The following MYOM1 variants were observed in gnomAD, a reference collection of about 807,000 sequenced individuals.
MYOM1 encodes the protein myomesin-1.
In MYOM1, 164 loss-of-function variants were observed where a neutral mutation model predicts 205.3. The observed-to-expected ratio is 0.80, with a 90% CI of 0.70 to 0.91. MYOM1 has a LOEUF of 0.91. MYOM1 is among the 40% of genes least tolerant of loss of function. The probability of loss-of-function intolerance (pLI) is 0.00; values close to 1 mark genes in which losing one functional copy is unlikely to be tolerated. For missense variants in MYOM1, 2,011 were observed against 2,127.3 expected (o/e 0.95, Z 1.08); for synonymous variants, 772 against 789.4 (o/e 0.98, Z 0.37).
chr18:3,127,104 C>T (rs957908123), intron 18 of MYOM1, among the ~76,000 whole-genome samples: 1 of 151,760 alleles, frequency 6.6e-6, no homozygotes, highest in East Asian at 1.9e-4. Flanking sequence ...ATAAAATGAA[C>T]CTGTCCTAGC....
intron 2 of MYOM1, among the ~76,000 whole-genome samples, chr18:3,213,697 T>C (rs932864565): frequency 6.6e-6 from 1 of 152,240 alleles, no homozygotes; most frequent in African/African-American, 2.4e-5. Context: ...TGAGAAACTT[T>C]CTTCTCTAAT....
At chr18:3,167,723 G>A (rs6506077) in intron 9 of MYOM1, among the ~76,000 whole-genome samples, 15,444 of 152,222 alleles carry the variant, frequency 0.1, 1,730 homozygotes, top group African/African-American at 0.28. Context: ...TTCAAGTCCA[G>A]TGCTTCAACT....
chr18:3,200,427 T>C (rs909130175), intron 2 of MYOM1, among the ~76,000 whole-genome samples: 5 of 152,144 alleles, frequency 3.3e-5, no homozygotes, highest in Admixed American at 3.3e-4. Context: ...AGACAAAGAC[T>C]TCAAAGCAGC....
chr18:3,096,843 A>G (rs957986254), intron 25 of MYOM1, among the ~76,000 whole-genome samples: 4 of 152,134 alleles, frequency 2.6e-5, no homozygotes, highest in Non-Finnish European at 5.9e-5. Flanking sequence ...GTATGGATAT[A>G]TATTCAAATA....
the MYOM1 span, chr18:3,246,737 T>C: frequency 1.3e-5 from 2 of 152,184 alleles, no homozygotes; most frequent in Admixed American, 6.5e-5. Context: ...TTCAGAAGGG[T>C]TCTGGCCACG....
At chr18:3,083,699 G>T in intron 33 of MYOM1, 90 bp downstream of exon 33, 1 of 942,692 alleles carries the variant, frequency 1.1e-6, no homozygotes, top group Non-Finnish European at 1.6e-6. Context: ...ACCTGCCTCG[G>T]CCTCCCAAAG....
intron 10 of MYOM1, among the ~76,000 whole-genome samples, chr18:3,160,475 T>C (rs1426264211): frequency 2.0e-5 from 3 of 152,158 alleles, no homozygotes; most frequent in Non-Finnish European, 4.4e-5. Context: ...CGTGAGCCAT[T>C]GTACCTGGTC....
At chr18:3,124,809 G>A (rs1358829125) in intron 19 of MYOM1, among the ~76,000 whole-genome samples, 2 of 152,142 alleles carry the variant, frequency 1.3e-5, no homozygotes, top group Non-Finnish European at 2.9e-5. Context: ...TTGGAATAGA[G>A]AAGGCATTTC....
At position 3,089,569 on chromosome 18, in the gene MYOM1, T is replaced by G; in HGVS notation, c.4037A>C (p.Glu1346Ala). ...DVFKKLQKEA[E>A]FQRQEWIRKQ... The stretch of plus-strand genomic sequence containing the variant: ...CCTGATCCATTCTTGCCGCTGGAAT[T>G]CAGCTTCTTTCTGGAGCTTTTTGAA... Residue 1346 changes from glutamate to alanine, a missense_variant, in exon 28 of 38, where the codon GAA becomes GCA. By Grantham distance (107) the Glu-to-Ala change is moderately radical. Coordinates refer to ENST00000356443, the MANE Select transcript of MYOM1 (RefSeq NM_003803.4). 6.2e-7 allele frequency: 1 copy of G among 1,609,500 alleles called. No homozygotes were observed. Among genetic ancestry groups the G allele is most frequent in the Non-Finnish European group, 8.5e-7 (1 of 1,177,828 alleles).
intron 21 of MYOM1, among the ~76,000 whole-genome samples, chr18:3,114,427 G>T (rs1246957367): frequency 6.6e-6 from 1 of 151,702 alleles, no homozygotes; most frequent in Non-Finnish European, 1.5e-5. Context: ...GCCCGGGCTG[G>T]AGTGCAGTGG....
chr18:3,141,621 C>T lies in MYOM1; in HGVS notation c.2025+318G>A, dbSNP rs8092956. 0.55 allele frequency among the ~76,000 whole-genome samples: 83,316 copies of T among 152,006 alleles called. 24,225 individuals carry two copies. Among genetic ancestry groups the T allele is most frequent in the African/African-American group, 0.74 (30,773 of 41,458 alleles). On this transcript the variant is annotated intron_variant, in intron 14 of 37. Coordinates refer to ENST00000356443, the MANE Select transcript of MYOM1 (RefSeq NM_003803.4). Reference sequence around the variant, plus strand: ...ACCAAAGCAAGGGAGACAGGAAGGTCTCTAGAAAACATTGTCATACAGGCA... The same window carrying T: ...ACCAAAGCAAGGGAGACAGGAAGGTTTCTAGAAAACATTGTCATACAGGCA...
chr18:3,155,477 G>A (rs935211009), intron 10 of MYOM1, among the ~76,000 whole-genome samples: 3 of 152,176 alleles, frequency 2.0e-5, no homozygotes, highest in East Asian at 1.9e-4. Context: ...GCCCGCCTCG[G>A]CCTCCCAAAG....
In MYOM1 at chr18:3,134,440, T is replaced by C. The variant is rs1005095070; in HGVS notation, c.2384+210A>G. ...TCAGTTTGTAAAGATAGGGTCTCAC[T>C]GTGTTGGCCAGGTTGGTCTTGAAAT... On this transcript the variant is annotated intron_variant, in intron 16 of 37. Coordinates refer to ENST00000356443, the MANE Select transcript of MYOM1 (RefSeq NM_003803.4). Among the ~76,000 whole-genome samples the C allele has an allele frequency of 3.0e-4, 46 of 152,006 alleles. No individual in the cohort carries two copies. The highest frequency in any genetic ancestry group is 1.0e-3 in the African/African-American group (43 of 41,394).
At chr18:3,101,473 G>A (rs906702331) in intron 23 of MYOM1, among the ~76,000 whole-genome samples, 6 of 152,116 alleles carry the variant, frequency 3.9e-5, no homozygotes, top group African/African-American at 1.4e-4. Context: ...AAAGAAATCC[G>A]AGGTTTATGG....
intron 5 of MYOM1, among the ~76,000 whole-genome samples, chr18:3,185,365 G>A (rs2080795368): frequency 6.6e-6 from 1 of 152,068 alleles, no homozygotes; most frequent in South Asian, 2.1e-4. Flanking sequence ...TTTAAAGTGG[G>A]AAAACACAGA....
intron 31 of MYOM1, 67 bp from the exon 32 acceptor site, chr18:3,084,094 T>C: frequency 6.6e-7 from 1 of 1,507,426 alleles, no homozygotes; most frequent in Admixed American, 2.0e-5. Flanking sequence ...AAATCTCAAA[T>C]TCTTAGCTCT....
rs200218235 is a variant in MYOM1, at chr18:3,129,429, G to A, written c.2597C>T (p.Pro866Leu). ...CAAAGCATCTTTCTGGAAGGTTGGC[G>A]GGGAGGCTTCATGCACGCGCCCCCT... is the stretch of plus-strand genomic sequence containing the variant. ...ASRGRVHEAS[P>L]PTFQKDALLG... Residue 866 changes from proline (P) to leucine (L), a missense_variant, in exon 18 of 38, where the codon CCG becomes CTG. Transcript: ENST00000356443. 38 of 1,613,928 alleles carry A rather than the reference G, an allele frequency of 2.4e-5. No individual in the cohort carries two copies. The highest frequency in any genetic ancestry group is 2.0e-4 in the East Asian group (9 of 44,874).
intron 10 of MYOM1, among the ~76,000 whole-genome samples, chr18:3,159,160 G>T (rs2080344982): frequency 6.6e-6 from 1 of 152,140 alleles, no homozygotes; most frequent in African/African-American, 2.4e-5. Flanking sequence ...GGATACCTGT[G>T]GGTGGCAGAC....
chr18:3,191,353 C>G (rs569964382), intron 3 of MYOM1, among the ~76,000 whole-genome samples: 3 of 152,284 alleles, frequency 2.0e-5, no homozygotes, highest in African/African-American at 7.2e-5. Flanking sequence ...GCCAGGCCTA[C>G]GTGGGACTTT....
Sources: gnomAD v4.1 joint callset for allele counts (sites outside exome capture counted in the v4.1 genomes callset) on GRCh38, gnomAD v4.1.1 for gene constraint, MANE v1.5 for transcripts, NCBI Gene and HGNC (gene_info 2026-07-23, HGNC 2026-07-21) for gene names.